The following CARD14 variants were observed in gnomAD, a reference collection of about 807,000 sequenced individuals.
CARD14 encodes the protein caspase recruitment domain-containing protein 14.
A neutral mutation model predicts 111.5 loss-of-function variants in CARD14; 107 were observed. The ratio of observed to expected loss-of-function variants is 0.96; its 90% CI spans 0.82 to 1.13. The LOEUF is 1.13. CARD14 is among the 50% of genes most tolerant of loss of function. CARD14 has a pLI of 0.00. For missense variants in CARD14, 1,322 were observed against 1,362.3 expected (o/e 0.97, Z 0.47); for synonymous variants, 617 against 579.6 (o/e 1.06, Z -0.93).
At chr17:80,193,946 G>C (rs2040618396) in intron 12 of CARD14, among the ~76,000 whole-genome samples, 1 of 152,128 alleles carries the variant, frequency 6.6e-6, no homozygotes, top group Admixed American at 6.5e-5. Context: ...AGGGACCTCA[G>C]GTGCTCAGAA....
At chr17:80,177,630 G>A (rs1312258239) in intron 2 of CARD14, among the ~76,000 whole-genome samples, 4 of 152,178 alleles carry the variant, frequency 2.6e-5, no homozygotes, top group Non-Finnish European at 2.9e-5. Context: ...GGGAGACAAA[G>A]GTTGCAGTGA....
At chr17:80,205,420 G>T in intron 21 of CARD14, 111 bp from the exon 22 acceptor site, 1 of 1,427,876 alleles carries the variant, frequency 7.0e-7, no homozygotes. Context: ...ATCCTAAGAA[G>T]AGCTTCTCCC....
chr17:80,204,833 T>C lies in CARD14; in HGVS notation c.2399-202T>C. Reference sequence around the variant, plus strand: ...CAGTCCCTGGAGAGCCACAGAGCTGTGTAACCCCCGTGCAAAGGAGCCGCT... The same window carrying C: ...CAGTCCCTGGAGAGCCACAGAGCTGCGTAACCCCCGTGCAAAGGAGCCGCT... On this transcript the variant is annotated intron_variant, in intron 20 of 23. Transcript: ENST00000648509. The C allele has an allele frequency of 1.3e-5, 7 of 546,968 alleles. No homozygotes were observed. The South Asian group carries it at 1.5e-4, about 12-fold the overall frequency. The allele number at this position is 546,968 out of a possible 1,614,324, so 33.9% of individuals were successfully genotyped here.
Position 80,192,507 on chromosome 17 carries a change from A to G in CARD14, c.1244A>G (p.Lys415Arg). 6.2e-7 allele frequency: 1 copy of G among 1,613,112 alleles called. No individual in the cohort carries two copies. The change falls in exon 12 of 24, where the codon AAG (lysine) becomes AGG (arginine). Residue 415 changes from lysine to arginine, a missense_variant. Physicochemically the swap from Lys to Arg is conservative, Grantham distance 26 (BLOSUM62 2). Transcript: ENST00000648509. ...TGTCTGGCCTGTCTTTGGCAGCTCA[A>G]GCAGGAAGCCAGGACCAGGGAGCCC... ...QLQAEPPGVLKQEARTREPCP... is the reference protein window; with the variant it reads ...QLQAEPPGVLRQEARTREPCP...
intron 23 of CARD14, 108 bp downstream of exon 23, chr17:80,207,193 A>G: frequency 1.5e-6 from 1 of 685,358 alleles, no homozygotes; most frequent in Non-Finnish European, 2.4e-6. Flanking sequence ...CAGGAAGCTG[A>G]GGCGCTGACA....
rs1598666623 is a variant in CARD14, at chr17:80,195,475, T to G, written c.1500-83T>G. On this transcript the variant is annotated intron_variant, in intron 13 of 23. Coordinates refer to ENST00000648509, the MANE Select transcript of CARD14 (RefSeq NM_001366385.1). The surrounding 1 kb of genome is among the most constrained non-coding windows in gnomAD (Gnocchi z 4.7). The stretch of plus-strand genomic sequence containing the variant: ...CCCTCGAAGCCCCAGAGCTGGCAGG[T>G]GCTGGGGGCCAGTGCTTGGGGCGTG... 1 of 1,503,628 alleles carries G rather than the reference T, an allele frequency of 6.7e-7. No individual in the cohort carries two copies. The allele number at this position is 1,503,628 out of a possible 1,614,324, so 93.1% of individuals were successfully genotyped here.
Position 80,198,071 on chromosome 17 carries a change from G to C in CARD14, c.1595-28G>C, listed in dbSNP as rs772724904. The C allele has an allele frequency of 6.2e-7, 1 of 1,612,946 alleles. No individual in the cohort carries two copies. Among genetic ancestry groups the C allele is most frequent in the African/African-American group, 1.3e-5 (1 of 74,886 alleles). On this transcript the variant is annotated intron_variant, in intron 14 of 23. Coordinates refer to ENST00000648509, the MANE Select transcript of CARD14 (RefSeq NM_001366385.1). The surrounding 1 kb of genome is among the most constrained non-coding windows in gnomAD (Gnocchi z 7.5). The stretch of plus-strand genomic sequence containing the variant: ...GCCCCATCAGCAGTGGGGTGACCAA[G>C]ATCTGTGAGCTCTTGGCTTCCTCCC...
chr17:80,182,533 AT>A lies in CARD14; in HGVS notation c.212-118del. 1 of 1,223,128 alleles carries A rather than the reference AT, an allele frequency of 8.2e-7. No homozygotes were observed. The allele number at this position is 1,223,128 out of a possible 1,614,324, so 75.8% of individuals were successfully genotyped here. A position where few individuals can be genotyped will look rare whatever the true frequency, so the allele number is the denominator to read the frequency against. On this transcript the variant is annotated intron_variant, in intron 5 of 23. Coordinates refer to ENST00000648509, the MANE Select transcript of CARD14 (RefSeq NM_001366385.1). The surrounding 1 kb of genome is among the most constrained non-coding windows in gnomAD (Gnocchi z 4.7). ...CCCAGAAAACCGCTTTCACCTCCCGATTCTTACATGTGCGGGGGGTTTCCCA... is the reference window on the plus strand; with the variant it reads ...CCCAGAAAACCGCTTTCACCTCCCGATCTTACATGTGCGGGGGGTTTCCCA...
At chr17:80,183,876 T>C in intron 6 of CARD14, 37 bp from the exon 7 acceptor site, 1 of 1,445,274 alleles carries the variant, frequency 6.9e-7, no homozygotes, top group Non-Finnish European at 9.1e-7. Flanking sequence ...ATTACCTCCC[T>C]ACCTGCTCAC....
intron 12 of CARD14, 24 bp downstream of exon 12, chr17:80,192,643 C>G (rs759909679): frequency 2.5e-6 from 4 of 1,574,878 alleles, no homozygotes. Context: ...TCCCGCCTCC[C>G]TCACTGCCTT....
rs1446969009 is a variant in CARD14, at chr17:80,204,877, C to T, written c.2399-158C>T. The stretch of plus-strand genomic sequence containing the variant: ...AGCCGCTCAGCCAGGGGCTATGGAA[C>T]TGGGAGTGAGTCCTGTGACCGCTGA... On this transcript the variant is annotated intron_variant, in intron 20 of 23. Transcript: ENST00000648509. The T allele has an allele frequency of 5.3e-5, 33 of 627,306 alleles. No individual in the cohort carries two copies. In the East Asian group the frequency reaches 7.8e-4, roughly 15 times the overall value. 38.9% of individuals were successfully genotyped at this position (627,306 alleles called of 1,614,324 possible).
chr17:80,192,807 C>G (rs1321175739), intron 12 of CARD14, among the ~76,000 whole-genome samples, 188 bp downstream of exon 12: 1 of 152,160 alleles, frequency 6.6e-6, no homozygotes, highest in Non-Finnish European at 1.5e-5. Context: ...GGCTGGAGTG[C>G]AGTGATGTGA....
chr17:80,190,152 C>T (rs187544573), intron 9 of CARD14, among the ~76,000 whole-genome samples: 52 of 151,882 alleles, frequency 3.4e-4, no homozygotes, highest in Non-Finnish European at 5.4e-4. Flanking sequence ...GAGGAGGGAA[C>T]GGGGAGGAAA....
In CARD14 at chr17:80,189,267, C is replaced by T. The variant is rs1304258261; in HGVS notation, c.844-486C>T. Among the ~76,000 whole-genome samples, 1 of 152,198 alleles carries T rather than the reference C, an allele frequency of 6.6e-6. No homozygotes were observed. Among genetic ancestry groups the T allele is most frequent in the Admixed American group, 6.5e-5 (1 of 15,280 alleles). ...GCTCTGAAGTGGAGCAGTGAGTGAG[C>T]AACGACCCTTGGCGTCTCCTCCTCG... is the stretch of plus-strand genomic sequence containing the variant. On this transcript the variant is annotated intron_variant, in intron 8 of 23. Coordinates refer to ENST00000648509, the MANE Select transcript of CARD14 (RefSeq NM_001366385.1). The surrounding 1 kb of genome is among the most constrained non-coding windows in gnomAD (Gnocchi z 4.7).
Position 80,205,102 on chromosome 17 carries a change from T to A in CARD14, c.2466T>A (p.His822Gln). The A allele has an allele frequency of 6.2e-7, 1 of 1,613,572 alleles. No homozygotes were observed. Among genetic ancestry groups the A allele is most frequent in the Non-Finnish European group, 8.5e-7 (1 of 1,179,884 alleles). ...TLVPYTLVRP[H>Q]RPARPRPVLL... ...TGCCCTATACCCTGGTGCGGCCCCA[T>A]CGACCCGCCCGGCCCCGGCCTGTGC... The change falls in exon 21 of 24, where the codon CAT (histidine) becomes CAA (glutamine). Residue 822 changes from histidine (H) to glutamine (Q), a missense_variant. By Grantham distance (24) the His-to-Gln change is conservative. Transcript: ENST00000648509.
chr17:80,179,423 G>A (rs1227055542), intron 4 of CARD14, 122 bp downstream of exon 4: 4 of 152,244 alleles, frequency 2.6e-5, no homozygotes, highest in African/African-American at 7.2e-5. Context: ...TGCACAGAAC[G>A]ATAGTTTCTG....
chr17:80,177,940 G>A (rs1338500898), intron 2 of CARD14, among the ~76,000 whole-genome samples: 1 of 152,068 alleles, frequency 6.6e-6, no homozygotes, highest in Non-Finnish European at 1.5e-5. Context: ...CCCAAATGAG[G>A]TCCTACTTAC....
intron 14 of CARD14, 148 bp from the exon 15 acceptor site, chr17:80,197,951 G>A (rs1158923242): frequency 1.4e-6 from 1 of 729,908 alleles, no homozygotes; most frequent in Non-Finnish European, 2.5e-6. Context: ...GAGGGAGAAG[G>A]GGCTGAGGTT....
In CARD14 at chr17:80,198,462, C is replaced by A; in HGVS notation, c.1722C>A (p.Phe574Leu). 1 of 1,612,656 alleles carries A rather than the reference C, an allele frequency of 6.2e-7. No homozygotes were observed. The highest frequency in any genetic ancestry group is 8.5e-7 in the Non-Finnish European group (1 of 1,179,292). Residue 574 changes from phenylalanine (F) to leucine (L), a missense_variant, in exon 16 of 24, where the codon TTC (phenylalanine) becomes TTA (leucine). Transcript: ENST00000648509. This position sits in a 1 kb window ranked among gnomAD's most constrained non-coding sequence, Gnocchi z 7.5. ...RILSQVTMLA[F>L]QGDALLEQIS... ...TGAGCCAGGTCACCATGCTGGCGTT[C>A]CAGGGGGATGCATTGCTGGAGCAGA...
Sources: allele counts gnomAD v4.1 joint callset (sites outside exome capture counted in the v4.1 genomes callset), GRCh38; gene constraint gnomAD v4.1.1; non-coding constraint Gnocchi (gnomAD v3.1); transcripts MANE v1.5; gene names NCBI Gene and HGNC (gene_info 2026-07-23, HGNC 2026-07-21).